SLC60A1: variants seen among roughly 807,000 people sequenced by gnomAD.
The protein encoded by SLC60A1 is major facilitator superfamily domain containing 4.
the SLC60A1 span, chr1:205,580,591 G>T: frequency 6.4e-7 from 1 of 1,567,150 alleles, no homozygotes; most frequent in Non-Finnish European, 8.7e-7. This position sits in a 1 kb window ranked among gnomAD's most constrained non-coding sequence, Gnocchi z 5.0. Context: ...TGGACCGGAG[G>T]CCAGGCCACC....
chr1:205,583,417 G>A, the SLC60A1 span, among the ~76,000 whole-genome samples: 1 of 152,326 alleles, frequency 6.6e-6, no homozygotes, highest in South Asian at 2.1e-4. Context: ...AGCACTGGAA[G>A]GATCAGGATG....
chr1:205,579,474 G>T, the SLC60A1 span: 1 of 571,050 alleles, frequency 1.8e-6, no homozygotes, highest in East Asian at 2.8e-5. Context: ...AAACAATTTA[G>T]GGTTTAAGGA....
the SLC60A1 span, chr1:205,584,870 C>T: frequency 1.2e-6 from 2 of 1,611,182 alleles, no homozygotes; most frequent in African/African-American, 2.7e-5. Flanking sequence ...CCTGTGCCTC[C>T]TGCAGGGCAT....
At chr1:205,574,568 T>G in the SLC60A1 span, among the ~76,000 whole-genome samples, 1 of 152,174 alleles carries the variant, frequency 6.6e-6, no homozygotes, top group East Asian at 1.9e-4. Context: ...CGCTGCACTC[T>G]TGGAGCCCAC....
the SLC60A1 span, among the ~76,000 whole-genome samples, chr1:205,593,447 C>G: frequency 2.6e-5 from 1 of 38,392 alleles, no homozygotes; most frequent in African/African-American, 1.3e-4. Flanking sequence ...GGGCGAGACT[C>G]TGTCTCAAAA....
chr1:205,576,946 G>T, the SLC60A1 span, among the ~76,000 whole-genome samples: 2 of 152,158 alleles, frequency 1.3e-5, no homozygotes, highest in African/African-American at 2.4e-5. Context: ...CCCAGGCGTG[G>T]TTCTCTCCAA....
the SLC60A1 span, chr1:205,592,259 C>T: frequency 1.2e-6 from 2 of 1,614,154 alleles, no homozygotes; most frequent in Non-Finnish European, 8.5e-7. Flanking sequence ...GCATGCTGGC[C>T]TACACGGAGG....
At chr1:205,602,386 G>A in the SLC60A1 span, 1 of 152,616 alleles carries the variant, frequency 6.6e-6, no homozygotes, top group African/African-American at 2.4e-5. Context: ...CCCTGGGCAG[G>A]TTACTGAGGC....
the SLC60A1 span, chr1:205,581,019 A>G: frequency 6.8e-7 from 1 of 1,461,320 alleles, no homozygotes; most frequent in Non-Finnish European, 9.1e-7. This position sits in a 1 kb window ranked among gnomAD's most constrained non-coding sequence, Gnocchi z 4.2. Flanking sequence ...ATGCTGAGAA[A>G]CGTGCTGGGG....
chr1:205,583,400 T>C, the SLC60A1 span, among the ~76,000 whole-genome samples: 1 of 152,162 alleles, frequency 6.6e-6, no homozygotes, highest in African/African-American at 2.4e-5. Flanking sequence ...TCTCCTTAGG[T>C]AGAGACAGCA....
chr1:205,594,432 G>C, the SLC60A1 span, among the ~76,000 whole-genome samples: 1 of 152,128 alleles, frequency 6.6e-6, no homozygotes, highest in Admixed American at 6.5e-5. Flanking sequence ...GAGGCGGGTG[G>C]ATCACTTGAA....
the SLC60A1 span, among the ~76,000 whole-genome samples, chr1:205,573,334 C>T: frequency 2.0e-5 from 3 of 152,006 alleles, no homozygotes; most frequent in Admixed American, 6.6e-5. Context: ...GCAGGAGAAT[C>T]GCTTGAACCA....
At chr1:205,592,533 C>G in the SLC60A1 span, among the ~76,000 whole-genome samples, 1 of 152,192 alleles carries the variant, frequency 6.6e-6, no homozygotes, top group East Asian at 1.9e-4. Context: ...TCCCTCCCCC[C>G]TCTCCCCACC....
chr1:205,580,603 C>G, the SLC60A1 span: 1 of 1,584,608 alleles, frequency 6.3e-7, no homozygotes, highest in Non-Finnish European at 8.6e-7. This position sits in a 1 kb window ranked among gnomAD's most constrained non-coding sequence, Gnocchi z 5.0. Context: ...CAGGCCACCA[C>G]TTCCCCGGGC....
the SLC60A1 span, chr1:205,598,972 A>G: frequency 2.1e-6 from 2 of 972,222 alleles, no homozygotes; most frequent in Non-Finnish European, 3.1e-6. Context: ...AACTTGAAAC[A>G]AGGCCAAGGC....
chr1:205,572,657 G>A, the SLC60A1 span, among the ~76,000 whole-genome samples: 2 of 152,176 alleles, frequency 1.3e-5, no homozygotes, highest in Admixed American at 6.5e-5. Context: ...CCTTGAGCTG[G>A]GCTGTGGTTG....
chr1:205,577,432 A>G, the SLC60A1 span, among the ~76,000 whole-genome samples: 1 of 152,166 alleles, frequency 6.6e-6, no homozygotes, highest in South Asian at 2.1e-4. This position sits in a 1 kb window ranked among gnomAD's most constrained non-coding sequence, Gnocchi z 5.2. Flanking sequence ...TCCACAATGA[A>G]CAGGCAGAGG....
At chr1:205,584,199 T>A in the SLC60A1 span, 45 of 1,324,630 alleles carry the variant, frequency 3.4e-5, no homozygotes, top group Admixed American at 4.6e-5. Context: ...CCAGAGAGAG[T>A]GAACCTAGAT....
chr1:205,596,324 CA>C, the SLC60A1 span, among the ~76,000 whole-genome samples: 1 of 152,088 alleles, frequency 6.6e-6, no homozygotes, highest in South Asian at 2.1e-4. Context: ...CACAGAGAAG[CA>C]ACCCATCCAG....
Sources: allele counts gnomAD v4.1 joint callset (sites outside exome capture counted in the v4.1 genomes callset), GRCh38; gene constraint gnomAD v4.1.1; non-coding constraint Gnocchi (gnomAD v3.1); transcripts MANE v1.5; gene names NCBI Gene and HGNC (gene_info 2026-07-23, HGNC 2026-07-21).